The following GALNT10 variants were observed in gnomAD, a reference collection of about 807,000 sequenced individuals.
GALNT10 encodes polypeptide N-acetylgalactosaminyltransferase 10.
GALNT10 carries 41 observed loss-of-function variants against 75.0 expected under a neutral mutation model. That is an observed-to-expected ratio of 0.55 (90% CI 0.43 to 0.71). GALNT10 has a LOEUF of 0.71. GALNT10 is among the 30% of genes least tolerant of loss of function. GALNT10 has a pLI of 0.00. For missense variants in GALNT10, 727 were observed against 818.5 expected (o/e 0.89, Z 1.36); for synonymous variants, 302 against 313.0 (o/e 0.96, Z 0.37).
intron 1 of GALNT10, among the ~76,000 whole-genome samples, chr5:154,233,011 C>T (rs1218469014): frequency 2.0e-5 from 3 of 152,136 alleles, no homozygotes; most frequent in Non-Finnish European, 2.9e-5. Flanking sequence ...CTTACAAGGT[C>T]GCTGATCTTG....
chr5:154,194,851 A>C (rs1346624407), intron 1 of GALNT10, among the ~76,000 whole-genome samples: 1 of 152,220 alleles, frequency 6.6e-6, no homozygotes, highest in Non-Finnish European at 1.5e-5. Flanking sequence ...ACTCATTAGC[A>C]ATGTAGGGAA....
At chr5:154,318,723 A>G (rs907925886) in intron 3 of GALNT10, among the ~76,000 whole-genome samples, 3 of 152,170 alleles carry the variant, frequency 2.0e-5, no homozygotes, top group Non-Finnish European at 4.4e-5. Flanking sequence ...TCAGCATTCC[A>G]TAGTTTGAAT....
At chr5:154,384,862 T>C (rs1263481447) in intron 6 of GALNT10, among the ~76,000 whole-genome samples, 1 of 152,184 alleles carries the variant, frequency 6.6e-6, no homozygotes, top group East Asian at 1.9e-4. Context: ...CAGTTTTACA[T>C]GTGTAAAATG....
intron 1 of GALNT10, among the ~76,000 whole-genome samples, chr5:154,261,593 G>A (rs1320718282): frequency 6.6e-6 from 1 of 152,124 alleles, no homozygotes; most frequent in Non-Finnish European, 1.5e-5. Context: ...ACTACCGGAG[G>A]TATATATCTC....
At chr5:154,362,309 C>G (rs1755402733) in intron 4 of GALNT10, among the ~76,000 whole-genome samples, 1 of 152,142 alleles carries the variant, frequency 6.6e-6, no homozygotes, top group African/African-American at 2.4e-5. Flanking sequence ...CATCACTGGT[C>G]TGGGTTCAGA....
At chr5:154,191,520 C>T (rs1346517739) in intron 1 of GALNT10, among the ~76,000 whole-genome samples, 1 of 145,348 alleles carries the variant, frequency 6.9e-6, no homozygotes, top group Non-Finnish European at 1.5e-5. Flanking sequence ...ATCTGCCCAA[C>T]GAGACACCCG....
At chr5:154,344,329 A>G (rs996124145) in intron 4 of GALNT10, among the ~76,000 whole-genome samples, 6 of 150,646 alleles carry the variant, frequency 4.0e-5, no homozygotes, top group Non-Finnish European at 8.8e-5. Context: ...CTCCTGCCTC[A>G]GCCTCCTGAG....
chr5:154,376,528 T>A lies in GALNT10; in HGVS notation c.754+66T>A. On this transcript the variant is annotated intron_variant, in intron 5 of 11. Coordinates refer to ENST00000297107, the MANE Select transcript of GALNT10 (RefSeq NM_198321.4). The surrounding 1 kb of genome is among the most constrained non-coding windows in gnomAD (Gnocchi z 4.1). ...TGAGCCAGTGCCAGTGGCCCCCTCC[T>A]GCTGCAGGGAGCCATCCATAAGCCT... 6 of 1,190,446 alleles carry A rather than the reference T, an allele frequency of 5.0e-6. No homozygotes were observed. The highest frequency in any genetic ancestry group is 1.5e-5 in the South Asian group (1 of 64,660). The allele number at this position is 1,190,446 out of a possible 1,614,324, so 73.7% of individuals were successfully genotyped here.
chr5:154,269,198 A>G (rs1753824735), intron 1 of GALNT10, among the ~76,000 whole-genome samples: 1 of 151,658 alleles, frequency 6.6e-6, no homozygotes, highest in African/African-American at 2.4e-5. Context: ...GTTGGCCATG[A>G]TGGTCTCCAT....
At chr5:154,334,403 T>C (rs780224919) in intron 4 of GALNT10, among the ~76,000 whole-genome samples, 1 of 152,168 alleles carries the variant, frequency 6.6e-6, no homozygotes, top group Admixed American at 6.5e-5. Context: ...AGGAGAACAT[T>C]GAGGTGTTTT....
At chr5:154,213,553 G>T (rs901085434) in intron 1 of GALNT10, among the ~76,000 whole-genome samples, 5 of 152,128 alleles carry the variant, frequency 3.3e-5, no homozygotes, top group African/African-American at 1.2e-4. Context: ...TATAAATCAG[G>T]ATATCACAGG....
At chr5:154,304,908 A>G (rs1162150526) in intron 3 of GALNT10, among the ~76,000 whole-genome samples, 4 of 152,232 alleles carry the variant, frequency 2.6e-5, no homozygotes, top group Non-Finnish European at 4.4e-5. Flanking sequence ...AAATAACAAA[A>G]CAGAATTATA....
At chr5:154,325,281 A>G (rs566921378) in intron 3 of GALNT10, among the ~76,000 whole-genome samples, 1 of 152,314 alleles carries the variant, frequency 6.6e-6, no homozygotes, top group South Asian at 2.1e-4. Flanking sequence ...TTCTGTAATC[A>G]TACTCTTAGC....
At chr5:154,410,814 T>C (rs1756384251) in intron 9 of GALNT10, among the ~76,000 whole-genome samples, 1 of 152,242 alleles carries the variant, frequency 6.6e-6, no homozygotes, top group Non-Finnish European at 1.5e-5. Flanking sequence ...AGGAACAGCG[T>C]GCTTCTCTGC....
intron 4 of GALNT10, among the ~76,000 whole-genome samples, chr5:154,369,992 T>A (rs910910583): frequency 6.6e-6 from 1 of 152,234 alleles, no homozygotes; most frequent in Non-Finnish European, 1.5e-5. Flanking sequence ...CAAGGCTCAG[T>A]GGCATCAGAG....
intron 8 of GALNT10, among the ~76,000 whole-genome samples, chr5:154,405,455 C>CG (rs903409999): frequency 2.0e-5 from 3 of 152,166 alleles, no homozygotes; most frequent in Non-Finnish European, 4.4e-5. Flanking sequence ...CCGACACGGG[C>CG]GGGGGGTAGG....
chr5:154,247,091 G>C (rs1012451272), intron 1 of GALNT10, among the ~76,000 whole-genome samples: 6 of 152,110 alleles, frequency 3.9e-5, no homozygotes, highest in South Asian at 2.1e-4. Context: ...TCTTGTTTTT[G>C]TCAGGTTTGT....
At chr5:154,293,212 A>G (rs780970234) in intron 1 of GALNT10, among the ~76,000 whole-genome samples, 12 of 152,242 alleles carry the variant, frequency 7.9e-5, no homozygotes, top group Non-Finnish European at 1.6e-4. Context: ...ACTAATGTCC[A>G]GCACACCACA....
At chr5:154,286,217 G>A (rs947567870) in intron 1 of GALNT10, among the ~76,000 whole-genome samples, 4 of 152,144 alleles carry the variant, frequency 2.6e-5, no homozygotes, top group South Asian at 2.1e-4. Context: ...GACCCCGTCC[G>A]TCTTCCTCAC....
Sources: gnomAD v4.1 joint callset for allele counts (sites outside exome capture counted in the v4.1 genomes callset) on GRCh38, gnomAD v4.1.1 for gene constraint, Gnocchi (gnomAD v3.1) non-coding constraint, MANE v1.5 for transcripts, NCBI Gene and HGNC (gene_info 2026-07-23, HGNC 2026-07-21) for gene names.